The following RASAL2 variants were observed in gnomAD, a reference collection of about 807,000 sequenced individuals.
The protein encoded by RASAL2 is ras GTPase-activating protein nGAP.
Under a neutral mutation model 128.9 loss-of-function variants are expected in RASAL2, and 58 were observed. That is an observed-to-expected ratio of 0.45 (90% CI 0.36 to 0.56). The LOEUF is 0.56. RASAL2 is among the 20% of genes least tolerant of loss of function. The probability of loss-of-function intolerance (pLI) is 0.00; values close to 1 mark genes in which losing one functional copy is unlikely to be tolerated. For missense variants in RASAL2, 1,360 were observed against 1,601.6 expected (o/e 0.85, Z 2.57); for synonymous variants, 561 against 580.8 (o/e 0.97, Z 0.49).
At chr1:178,257,228 A>G (rs1665401569) in intron 1 of RASAL2, among the ~76,000 whole-genome samples, 1 of 152,196 alleles carries the variant, frequency 6.6e-6, no homozygotes, top group South Asian at 2.1e-4. Context: ...ATTCAATACA[A>G]TCCCTGTCAG....
chr1:178,451,852 T>G, intron 10 of RASAL2, 137 bp downstream of exon 10: 1 of 1,134,748 alleles, frequency 8.8e-7, no homozygotes, highest in African/African-American at 1.6e-5. Context: ...GGAGAAAAAT[T>G]GAAAGTTTCC....
At chr1:178,259,181 A>T (rs559611635) in intron 1 of RASAL2, among the ~76,000 whole-genome samples, 1 of 114,854 alleles carries the variant, frequency 8.7e-6, no homozygotes, top group African/African-American at 3.5e-5. Flanking sequence ...CCCAGGTGGG[A>T]GTGCAGTGGC....
At position 178,458,204 on chromosome 1, in the gene RASAL2, G is replaced by C; in HGVS notation, c.2912G>C (p.Ser971Thr). Residue 971 changes from serine to threonine, a missense_variant, in exon 14 of 18, where the codon AGC (serine) becomes ACC (threonine). Ser to Thr is a moderately conservative substitution (Grantham distance 58). Coordinates refer to ENST00000367649, the MANE Select transcript of RASAL2 (RefSeq NM_170692.4). ...DFKLSGPSNS[S>T]MEDFTKRSTQ... ...AAGCTCAGTGGACCCAGCAATAGCA[G>C]CATGGAAGATTTCACTAAACGTAGC... The C allele has an allele frequency of 6.2e-7, 1 of 1,614,268 alleles. No homozygotes were observed. Among genetic ancestry groups the C allele is most frequent in the Non-Finnish European group, 8.5e-7 (1 of 1,180,046 alleles).
At chr1:178,446,365 A>T (rs553786729) in intron 9 of RASAL2, among the ~76,000 whole-genome samples, 1 of 152,188 alleles carries the variant, frequency 6.6e-6, no homozygotes, top group African/African-American at 2.4e-5. Flanking sequence ...AATATGACCC[A>T]TGTGTGAATA....
chr1:178,233,954 T>C (rs1664120358), intron 1 of RASAL2, among the ~76,000 whole-genome samples: 1 of 152,224 alleles, frequency 6.6e-6, no homozygotes, highest in Non-Finnish European at 1.5e-5. Flanking sequence ...ATTATTTGTT[T>C]TATAATCAGG....
At chr1:178,411,993 G>T (rs763582233) in intron 4 of RASAL2, 8 of 554,088 alleles carry the variant, frequency 1.4e-5, no homozygotes, top group Non-Finnish European at 2.3e-5. Context: ...AGGAAGTGGG[G>T]TCGCTGTGGT....
At chr1:178,116,767 G>T (rs1016844674) in intron 1 of RASAL2, among the ~76,000 whole-genome samples, 1 of 151,852 alleles carries the variant, frequency 6.6e-6, no homozygotes, top group Non-Finnish European at 1.5e-5. Flanking sequence ...CCACCACCAC[G>T]CCTGGCTAAT....
chr1:178,292,035 CAAAAA>C (rs34317624), intron 2 of RASAL2, among the ~76,000 whole-genome samples: 4 of 59,108 alleles, frequency 6.8e-5, no homozygotes, highest in African/African-American at 1.6e-4. Flanking sequence ...GACTTTGTCT[CAAAAA>C]AAAAAAAAAA....
chr1:178,113,511 A>AGTGTGTGTGTGT (rs61642582), intron 1 of RASAL2, among the ~76,000 whole-genome samples: 191 of 122,250 alleles, frequency 1.6e-3, no homozygotes, highest in East Asian at 6.0e-3. Flanking sequence ...CATGCCTGCG[A>AGTGTGTGTGTGT]GTGTGTGTGT....
intron 1 of RASAL2, chr1:178,125,478 A>G (rs1406043700): frequency 6.6e-6 from 1 of 152,250 alleles, no homozygotes; most frequent in Non-Finnish European, 1.5e-5. Context: ...TGTACAGGAA[A>G]TGTGGTGCCG....
chr1:178,160,722 C>G (rs961350187), intron 1 of RASAL2, among the ~76,000 whole-genome samples: 29 of 152,270 alleles, frequency 1.9e-4, no homozygotes, highest in African/African-American at 6.5e-4. Flanking sequence ...AAAGATCAGA[C>G]AGATGGTGAA....
At chr1:178,364,795 A>G (rs1469742886) in intron 3 of RASAL2, among the ~76,000 whole-genome samples, 5 of 152,224 alleles carry the variant, frequency 3.3e-5, no homozygotes, top group African/African-American at 1.2e-4. Context: ...AATGTAAAAT[A>G]TAACTTTATA....
intron 1 of RASAL2, among the ~76,000 whole-genome samples, chr1:178,103,206 A>G (rs1463755001): frequency 6.6e-6 from 1 of 151,912 alleles, no homozygotes; most frequent in African/African-American, 2.4e-5. Context: ...TCACTTATTA[A>G]TGTATCTCAG....
intron 3 of RASAL2, among the ~76,000 whole-genome samples, chr1:178,373,200 T>C (rs752166081): frequency 6.6e-6 from 1 of 151,456 alleles, no homozygotes; most frequent in Non-Finnish European, 1.5e-5. Context: ...CTACTATTAT[T>C]TGAAAATCTT....
intron 1 of RASAL2, among the ~76,000 whole-genome samples, chr1:178,197,195 C>T (rs573512587): frequency 1.1e-4 from 17 of 152,266 alleles, no homozygotes; most frequent in African/African-American, 3.4e-4. Context: ...TGGTGGCTCA[C>T]GCCTGTAATC....
At chr1:178,188,229 A>C (rs1228676741) in intron 1 of RASAL2, among the ~76,000 whole-genome samples, 3 of 152,070 alleles carry the variant, frequency 2.0e-5, no homozygotes, top group African/African-American at 7.2e-5. Flanking sequence ...TTTCTTTGGT[A>C]TTCTACCCTG....
intron 1 of RASAL2, among the ~76,000 whole-genome samples, chr1:178,119,549 T>C (rs1659639789): frequency 6.6e-6 from 1 of 152,152 alleles, no homozygotes; most frequent in Non-Finnish European, 1.5e-5. Flanking sequence ...CAGAAAGCTG[T>C]CCAGTCATGG....
chr1:178,167,149 A>G (rs1237610099), intron 1 of RASAL2, among the ~76,000 whole-genome samples: 1 of 152,150 alleles, frequency 6.6e-6, no homozygotes, highest in Non-Finnish European at 1.5e-5. Flanking sequence ...TTAGGCTTTA[A>G]TAATATGTAC....
At chr1:178,094,830 G>A (rs979166442) in intron 1 of RASAL2, 136 bp downstream of exon 1, 2 of 1,100,610 alleles carry the variant, frequency 1.8e-6, no homozygotes, top group South Asian at 3.3e-5. Flanking sequence ...TTGTTCTGGG[G>A]GTGCATTTCT....
Sources: gnomAD v4.1 joint callset for allele counts (sites outside exome capture counted in the v4.1 genomes callset) on GRCh38, gnomAD v4.1.1 for gene constraint, MANE v1.5 for transcripts, NCBI Gene and HGNC (gene_info 2026-07-23, HGNC 2026-07-21) for gene names.